FAM3D: variants seen among roughly 807,000 people sequenced by gnomAD.
FAM3D encodes protein FAM3D.
FAM3D carries 26 observed loss-of-function variants against 29.8 expected under a neutral mutation model. The ratio of observed to expected loss-of-function variants is 0.87; its 90% CI spans 0.64 to 1.21. The LOEUF (loss-of-function observed/expected upper bound fraction) is 1.21, where lower values mean the gene tolerates loss of function less well. FAM3D is among the 50% of genes most tolerant of loss of function. The pLI, the probability that FAM3D is intolerant of heterozygous loss-of-function variation, is 0.00. For missense variants in FAM3D, 253 were observed against 290.9 expected (o/e 0.87, Z 0.95); for synonymous variants, 115 against 102.3 (o/e 1.12, Z -0.75).
intron 5 of FAM3D, among the ~76,000 whole-genome samples, chr3:58,643,996 C>G (rs2066408386): frequency 6.6e-6 from 1 of 152,136 alleles, no homozygotes; most frequent in East Asian, 1.9e-4. Flanking sequence ...GGGGCCAGCC[C>G]ACCCCCAGGC....
intron 3 of FAM3D, among the ~76,000 whole-genome samples, chr3:58,651,051 T>G (rs147268866): frequency 0.015 from 2,334 of 152,324 alleles, 216 homozygotes; most frequent in Admixed American, 0.13. Flanking sequence ...TGATTAACTT[T>G]CTAGGCACAG....
intron 3 of FAM3D, among the ~76,000 whole-genome samples, chr3:58,650,289 C>T (rs2106853445): frequency 2.0e-5 from 3 of 152,302 alleles, no homozygotes; most frequent in Middle Eastern, 6.8e-3. Flanking sequence ...CCCTTGCCTC[C>T]AAGGCCCCAG....
intron 1 of FAM3D, among the ~76,000 whole-genome samples, chr3:58,660,240 T>A (rs1158124633): frequency 6.6e-6 from 1 of 152,164 alleles, no homozygotes; most frequent in East Asian, 1.9e-4. Context: ...CATGTAGGCA[T>A]GCATGCACGT....
At chr3:58,640,009 C>T (rs1195046692) in intron 7 of FAM3D, 118 bp downstream of exon 7, 24 of 1,047,818 alleles carry the variant, frequency 2.3e-5, no homozygotes, top group Non-Finnish European at 3.1e-5. Flanking sequence ...TTCCTGGGTG[C>T]CTCCTGTGGA....
intron 6 of FAM3D, among the ~76,000 whole-genome samples, chr3:58,641,492 C>G (rs377434892): frequency 1.3e-5 from 2 of 152,042 alleles, no homozygotes; most frequent in Non-Finnish European, 1.5e-5. Context: ...TTAGCTGGGA[C>G]TACAGGTGTG....
rs577638435 is a variant in FAM3D at position 58,640,015 on chromosome 3, G to A, written c.373+112C>T. The A allele has an allele frequency of 1.8e-5, 21 of 1,156,116 alleles. No individual in the cohort carries two copies. In the Admixed American group the frequency reaches 2.7e-4, roughly 15 times the overall value. 71.6% of individuals were successfully genotyped at this position (1,156,116 alleles called of 1,614,324 possible). On this transcript the variant is annotated intron_variant, in intron 7 of 9. Transcript: ENST00000358781. Reference sequence around the variant, plus strand: ...CCGCACCTCTTCCTGGGTGCCTCCTGTGGAAAGAAGCACCAGGTACCTCGA... The same window carrying A: ...CCGCACCTCTTCCTGGGTGCCTCCTATGGAAAGAAGCACCAGGTACCTCGA...
intron 1 of FAM3D, among the ~76,000 whole-genome samples, chr3:58,665,765 A>G (rs1042618053): frequency 4.6e-5 from 7 of 152,238 alleles, no homozygotes; most frequent in African/African-American, 1.7e-4. Context: ...GAGTGGGAAT[A>G]ATCATGGTGC....
rs778156257 is a variant in FAM3D, at chr3:58,637,188, C to T, written c.411G>A (p.Pro137=). The change falls in exon 8 of 10, where the codon CCG becomes CCA. Residue 137 remains proline, a synonymous_variant. Coordinates refer to ENST00000358781, the MANE Select transcript of FAM3D (RefSeq NM_138805.3). The part of the protein sequence containing the change: ...MHLVKFLKEI[P]GGALVLVASY... The stretch of plus-strand genomic sequence containing the variant: ...AGGCCACCAGCACCAGTGCACCCCC[C>T]GGAATTTCTTTAAGGAATTTCACTA... 162 of 1,613,820 alleles carry T rather than the reference C, an allele frequency of 1.0e-4. No individual in the cohort carries two copies. Among genetic ancestry groups the T allele is most frequent in the Middle Eastern group, 1.7e-4 (1 of 6,060 alleles).
At position 58,659,793 on chromosome 3, in the gene FAM3D, CT is replaced by C. The variant is rs983126818; in HGVS notation, c.-38-4193del. Among the ~76,000 whole-genome samples the C allele has an allele frequency of 2.6e-5, 4 of 151,660 alleles. No individual in the cohort carries two copies. In the South Asian group the frequency reaches 6.3e-4, roughly 24 times the overall value. ...GCTGCTCCCTCCATCTAAATGACTT[CT>C]TTTTTTTTCACCTCATTACTAACAT... On this transcript the variant is annotated intron_variant, in intron 1 of 9. Coordinates refer to ENST00000358781, the MANE Select transcript of FAM3D (RefSeq NM_138805.3).
intron 7 of FAM3D, among the ~76,000 whole-genome samples, chr3:58,639,838 C>A (rs2066278223): frequency 6.6e-6 from 1 of 152,182 alleles, no homozygotes; most frequent in Non-Finnish European, 1.5e-5. Flanking sequence ...GGGCTGAGGA[C>A]AGGGTTCCAG....
rs2067039090 is a variant in FAM3D, at chr3:58,666,696, C to A, written c.-159G>T. The A allele has an allele frequency of 6.6e-6, 1 of 152,290 alleles. No individual in the cohort carries two copies. Among genetic ancestry groups the A allele is most frequent in the Non-Finnish European group, 1.5e-5 (1 of 68,072 alleles). The allele number at this position is 152,290 out of a possible 1,614,324, so 9.4% of individuals were successfully genotyped here. On this transcript the variant is annotated 5_prime_UTR_variant, in exon 1 of 10. Coordinates refer to ENST00000358781, the MANE Select transcript of FAM3D (RefSeq NM_138805.3). ...GGGCCAGCTTCTGACAGTCCCACCT[C>A]CCAGTTGCTGGAGGGGTAGTGGCCT...
intron 2 of FAM3D, among the ~76,000 whole-genome samples, chr3:58,655,172 G>A (rs900163472): frequency 2.0e-5 from 3 of 152,152 alleles, no homozygotes; most frequent in Admixed American, 6.5e-5. Flanking sequence ...TTCCCTATCT[G>A]TACAAAGGGG....
Position 58,635,382 on chromosome 3 carries a change from G to A in FAM3D, c.585+912C>T, listed in dbSNP as rs759271078. On this transcript the variant is annotated intron_variant, in intron 9 of 9. Coordinates refer to ENST00000358781, the MANE Select transcript of FAM3D (RefSeq NM_138805.3). The surrounding 1 kb of genome is among the most constrained non-coding windows in gnomAD (Gnocchi z 5.2). ...CCAGTTTCCCAAGTGTGAGGACTAA[G>A]AACAGACCGGCTTAGTCCCATTAGG... Among the ~76,000 whole-genome samples, 2 of 152,194 alleles carry A rather than the reference G, an allele frequency of 1.3e-5. No homozygotes were observed. Among genetic ancestry groups the A allele is most frequent in the African/African-American group, 2.4e-5 (1 of 41,448 alleles).
At chr3:58,644,054 C>A (rs2066410417) in intron 5 of FAM3D, among the ~76,000 whole-genome samples, 1 of 152,220 alleles carries the variant, frequency 6.6e-6, no homozygotes, top group Non-Finnish European at 1.5e-5. Context: ...AGGTTGCTGC[C>A]ATCCTGGGGT....
intron 7 of FAM3D, 55 bp from the exon 8 acceptor site, chr3:58,637,280 T>C: frequency 1.3e-6 from 2 of 1,494,074 alleles, no homozygotes; most frequent in Non-Finnish European, 1.8e-6. Context: ...CCCTGGTCAT[T>C]CTCATGCTTG....
intron 1 of FAM3D, among the ~76,000 whole-genome samples, chr3:58,662,893 C>T (rs190550483): frequency 1.3e-5 from 2 of 152,320 alleles, no homozygotes; most frequent in South Asian, 2.1e-4. Context: ...AGACCAGAGC[C>T]TTCCTAGCAC....
At chr3:58,649,366 G>A (rs1356557354) in intron 3 of FAM3D, 28 bp from the exon 4 acceptor site, 1 of 1,613,886 alleles carries the variant, frequency 6.2e-7, no homozygotes, top group Non-Finnish European at 8.5e-7. Flanking sequence ...TCTGGTTAGA[G>A]GAAAAGCACT....
chr3:58,653,580 G>T, intron 3 of FAM3D, 94 bp downstream of exon 3: 1 of 1,197,092 alleles, frequency 8.4e-7, no homozygotes, highest in Non-Finnish European at 1.2e-6. Flanking sequence ...AGCTTGTCAT[G>T]TCTCCTGGGT....
At chr3:58,663,585 T>G (rs1337463913) in intron 1 of FAM3D, among the ~76,000 whole-genome samples, 1 of 152,146 alleles carries the variant, frequency 6.6e-6, no homozygotes, top group Non-Finnish European at 1.5e-5. Context: ...CGGATTACAC[T>G]CCCACCCTAC....
Sources: gnomAD v4.1 joint callset for allele counts (sites outside exome capture counted in the v4.1 genomes callset) on GRCh38, gnomAD v4.1.1 for gene constraint, Gnocchi (gnomAD v3.1) non-coding constraint, MANE v1.5 for transcripts, NCBI Gene and HGNC (gene_info 2026-07-23, HGNC 2026-07-21) for gene names.